SLC26A9: variants seen among roughly 807,000 people sequenced by gnomAD.
SLC26A9 encodes the protein solute carrier family 26 member 9, also known as anion transporter/exchanger protein 9.
SLC26A9 carries 46 observed loss-of-function variants against 87.1 expected under a neutral mutation model. The ratio of observed to expected loss-of-function variants is 0.53; its 90% confidence interval spans 0.42 to 0.67. SLC26A9 has a LOEUF of 0.67. SLC26A9 is among the 30% of genes least tolerant of loss of function. The probability of loss-of-function intolerance (pLI) is 0.00; values close to 1 mark genes in which losing one functional copy is unlikely to be tolerated. For missense variants in SLC26A9, 927 were observed against 1,018.3 expected (o/e 0.91, Z 1.22); for synonymous variants, 437 against 409.1 (o/e 1.07, Z -0.82).
intron 1 of SLC26A9, among the ~76,000 whole-genome samples, chr1:205,937,644 A>G (rs989418926): frequency 6.6e-6 from 1 of 151,958 alleles, no homozygotes; most frequent in Non-Finnish European, 1.5e-5. Context: ...GGTGCTTTCT[A>G]CCTCCTAGCA....
intron 1 of SLC26A9, among the ~76,000 whole-genome samples, chr1:205,937,628 T>C (rs1463407099): frequency 6.6e-6 from 1 of 152,186 alleles, no homozygotes; most frequent in Non-Finnish European, 1.5e-5. Context: ...ATGATTAAGA[T>C]GGGAGGGTGC....
At chr1:205,938,049 A>T (rs910170503) in intron 1 of SLC26A9, among the ~76,000 whole-genome samples, 1 of 152,020 alleles carries the variant, frequency 6.6e-6, no homozygotes, top group Non-Finnish European at 1.5e-5. Context: ...AAGTTCCGGT[A>T]GTGTGTTTGC....
Position 205,915,164 on chromosome 1 carries a change from CT to C in SLC26A9, c.*192del. ...TCACTCCTGTAAGGGTAGCACCCCCCTGCTGCTGAGAGGCTCTCTCTGGAGA... is the reference window on the plus strand; with the variant it reads ...TCACTCCTGTAAGGGTAGCACCCCCCGCTGCTGAGAGGCTCTCTCTGGAGA... On this transcript the variant is annotated 3_prime_UTR_variant, in exon 21 of 21. Transcript: ENST00000367135. 6.2e-7 allele frequency: 1 copy of C among 1,612,686 alleles called. No individual in the cohort carries two copies. The highest frequency in any genetic ancestry group is 1.3e-5 in the African/African-American group (1 of 75,010).
At chr1:205,916,052 G>A (rs1375531722) in intron 20 of SLC26A9, among the ~76,000 whole-genome samples, 3 of 152,100 alleles carry the variant, frequency 2.0e-5, no homozygotes, top group Non-Finnish European at 2.9e-5. Flanking sequence ...GTTAATCCAG[G>A]GGCCCTATGG....
At chr1:205,941,511 C>CTTTTA in intron 1 of SLC26A9, among the ~76,000 whole-genome samples, 1 of 152,030 alleles carries the variant, frequency 6.6e-6, no homozygotes, top group Admixed American at 6.6e-5. Context: ...TTCTACTGTC[C>CTTTTA]CTGTGTTTCC....
chr1:205,933,793 C>A (rs1241492098), intron 2 of SLC26A9, among the ~76,000 whole-genome samples: 1 of 152,274 alleles, frequency 6.6e-6, no homozygotes, highest in East Asian at 1.9e-4. Flanking sequence ...TGTTAATTCA[C>A]TGGGCAGCAG....
chr1:205,915,051 C>G lies in SLC26A9; in HGVS notation c.*306G>C. 6.2e-7 allele frequency: 1 copy of G among 1,614,184 alleles called. No homozygotes were observed. The highest frequency in any genetic ancestry group is 8.5e-7 in the Non-Finnish European group (1 of 1,180,030). On this transcript the variant is annotated 3_prime_UTR_variant, in exon 21 of 21. Coordinates refer to ENST00000367135, the MANE Select transcript of SLC26A9 (RefSeq NM_052934.4). ...CAAGGTGTCCTTCAGCTGCCAAGGA[C>G]AGGGCAGAGGTGGGTGGGGTGGAGT...
intron 18 of SLC26A9, among the ~76,000 whole-genome samples, chr1:205,919,846 C>T (rs1260009447): frequency 1.3e-5 from 2 of 152,150 alleles, no homozygotes; most frequent in Non-Finnish European, 2.9e-5. Flanking sequence ...TCTCGTTTTA[C>T]ATAGGTAGAA....
At chr1:205,916,709 C>T (rs201507574) in intron 20 of SLC26A9, among the ~76,000 whole-genome samples, 2 of 152,104 alleles carry the variant, frequency 1.3e-5, no homozygotes, top group African/African-American at 2.4e-5. Context: ...CTCAGGGTCA[C>T]GTGGGTGATG....
chr1:205,923,076 A>G lies in SLC26A9; in HGVS notation c.1773+6T>C. On this transcript the variant is annotated splice_donor_region_variant and intron_variant, in intron 16 of 20. Transcript: ENST00000367135. ...GGGCACGGGGCTGCTTCTGGCCTTC[A>G]TTCACCTTGGTTTTCATGAATAGAG... 1.2e-6 allele frequency: 2 copies of G among 1,613,528 alleles called. No homozygotes were observed. The highest frequency in any genetic ancestry group is 1.7e-6 in the Non-Finnish European group (2 of 1,179,530).
Position 205,932,759 on chromosome 1 carries a change from A to T in SLC26A9, c.319T>A (p.Ser107Thr). The T allele has an allele frequency of 6.3e-7, 1 of 1,599,566 alleles. No individual in the cohort carries two copies. The highest frequency in any genetic ancestry group is 1.1e-5 in the South Asian group (1 of 87,796). Residue 107 changes from serine (S) to threonine (T), a missense_variant, in exon 4 of 21, where the codon TCC (serine) becomes ACC (threonine). Coordinates refer to ENST00000367135, the MANE Select transcript of SLC26A9 (RefSeq NM_052934.4). ...AAGTAGGTCAGGAGGGGGAAGAAGGAGGAGTAGAGGCCATTGACTGCAGGA... is the reference window on the plus strand; with the variant it reads ...AAGTAGGTCAGGAGGGGGAAGAAGGTGGAGTAGAGGCCATTGACTGCAGGA... ...NLPAVNGLYS[S>T]FFPLLTYFFL...
At chr1:205,926,938 G>A (rs1659096031) in intron 11 of SLC26A9, among the ~76,000 whole-genome samples, 1 of 152,174 alleles carries the variant, frequency 6.6e-6, no homozygotes, top group Non-Finnish European at 1.5e-5. Flanking sequence ...TGTTGCCTAG[G>A]GATTAGACTC....
At position 205,924,475 on chromosome 1, in the gene SLC26A9, C is replaced by T. The variant is rs2102581523; in HGVS notation, c.1404G>A (p.Val468=). Residue 468 remains valine (V), a synonymous_variant, in exon 13 of 21, where the codon GTG becomes GTA. Transcript: ENST00000367135. The part of the protein sequence containing the change: ...KSKLDCCIWV[V]SFLSSFFLSL... Reference sequence around the variant, plus strand: ...TGAGGAAGAAGGAGGAGAGGAAGCTCACTACCCAGATGCACTGTGAAAAGA... The same window carrying T: ...TGAGGAAGAAGGAGGAGAGGAAGCTTACTACCCAGATGCACTGTGAAAAGA... The T allele has an allele frequency of 6.2e-7, 1 of 1,614,190 alleles. No individual in the cohort carries two copies. Among genetic ancestry groups the T allele is most frequent in the Middle Eastern group, 1.6e-4 (1 of 6,062 alleles).
chr1:205,932,478 G>C (rs1365820856), intron 4 of SLC26A9, among the ~76,000 whole-genome samples: 1 of 152,136 alleles, frequency 6.6e-6, no homozygotes, highest in Non-Finnish European at 1.5e-5. Flanking sequence ...CTCATTCCTA[G>C]GAGGAAGATG....
At position 205,923,315 on chromosome 1, in the gene SLC26A9, C is replaced by A; in HGVS notation, c.1659+20G>T. On this transcript the variant is annotated intron_variant, in intron 15 of 20. Transcript: ENST00000367135. ...CCACTCTCTGTCCAGAGCCTCTGGT[C>A]GCCAGGGACTGAGCCTTACCTTGGC... 6.2e-7 allele frequency: 1 copy of A among 1,613,664 alleles called. No individual in the cohort carries two copies. The highest frequency in any genetic ancestry group is 8.5e-7 in the Non-Finnish European group (1 of 1,179,724).
chr1:205,929,865 A>G (rs749998911), intron 6 of SLC26A9, 27 bp downstream of exon 6: 7 of 1,565,938 alleles, frequency 4.5e-6, no homozygotes, highest in East Asian at 2.3e-5. Flanking sequence ...CCTTGCTCCA[A>G]TGGCAGGGGT....
intron 16 of SLC26A9, among the ~76,000 whole-genome samples, chr1:205,922,111 C>T (rs1384328530): frequency 6.6e-6 from 1 of 152,214 alleles, no homozygotes; most frequent in African/African-American, 2.4e-5. Context: ...CCCACTCTCT[C>T]TGGGAGAAAG....
rs9438405 is a variant in SLC26A9 at position 205,930,183 on chromosome 1, T to A, written c.553-127A>T. The A allele has an allele frequency of 0.16, 168,267 of 1,056,436 alleles. 19,064 individuals carry two copies. Among genetic ancestry groups the A allele is most frequent in the East Asian group, 0.64 (24,041 of 37,506 alleles). 65.4% of individuals were successfully genotyped at this position (1,056,436 alleles called of 1,614,324 possible). A position where few individuals can be genotyped will look rare whatever the true frequency, so the allele number is the denominator to read the frequency against. On this transcript the variant is annotated intron_variant, in intron 5 of 20. Transcript: ENST00000367135. The stretch of plus-strand genomic sequence containing the variant: ...CTAGCGTAGCAGTAGCTTGAGGGAA[T>A]TGGACCATCTGTGACCTTCACCTGC...
At chr1:205,933,235 G>A in intron 2 of SLC26A9, 151 bp from the exon 3 acceptor site, 2 of 1,204,822 alleles carry the variant, frequency 1.7e-6, no homozygotes, top group Non-Finnish European at 2.3e-6. Context: ...GAAAAGGCAG[G>A]AACTTTTTCT....
Sources: gnomAD v4.1 joint callset for allele counts (sites outside exome capture counted in the v4.1 genomes callset) on GRCh38, gnomAD v4.1.1 for gene constraint, MANE v1.5 for transcripts, NCBI Gene and HGNC (gene_info 2026-07-23, HGNC 2026-07-21) for gene names.